TXK: variants seen among roughly 807,000 people sequenced by gnomAD.
The protein encoded by TXK is TXK tyrosine kinase.
TXK carries 60 observed loss-of-function variants against 81.0 expected under a neutral mutation model. The ratio of observed to expected loss-of-function variants is 0.74; its 90% CI spans 0.60 to 0.92. The LOEUF (loss-of-function observed/expected upper bound fraction) is 0.92, where lower values mean the gene tolerates loss of function less well. TXK is among the 40% of genes least tolerant of loss of function. The pLI, the probability that TXK is intolerant of heterozygous loss-of-function variation, is 0.00. For missense variants in TXK, 581 were observed against 638.3 expected (o/e 0.91, Z 0.97); for synonymous variants, 203 against 210.7 (o/e 0.96, Z 0.32).
intron 8 of TXK, among the ~76,000 whole-genome samples, chr4:48,091,588 C>G (rs181825284): frequency 6.6e-6 from 1 of 152,100 alleles, no homozygotes; most frequent in Non-Finnish European, 1.5e-5. Context: ...TCACTGCAAC[C>G]TCCGCCTCTC....
chr4:48,076,393 A>G lies in TXK; in HGVS notation c.1238+9T>C. ...AAACAAAATACATATATATATACAT[A>G]GCATGTACCTTGTCATTCCAAAGTC... On this transcript the variant is annotated intron_variant, in intron 12 of 14. Coordinates refer to ENST00000264316, the MANE Select transcript of TXK (RefSeq NM_003328.3). 1 of 1,584,978 alleles carries G rather than the reference A, an allele frequency of 6.3e-7. No individual in the cohort carries two copies. Among genetic ancestry groups the G allele is most frequent in the Non-Finnish European group, 8.6e-7 (1 of 1,157,060 alleles).
chr4:48,089,910 TTAAA>T (rs1202337097), intron 8 of TXK, 86 bp from the exon 9 acceptor site: 1 of 927,950 alleles, frequency 1.1e-6, no homozygotes, highest in Non-Finnish European at 1.6e-6. Flanking sequence ...GTACCATTCT[TTAAA>T]TAATTAGACA....
chr4:48,133,139 T>C (rs1168923809), intron 1 of TXK, among the ~76,000 whole-genome samples: 1 of 152,080 alleles, frequency 6.6e-6, no homozygotes, highest in East Asian at 1.9e-4. Context: ...CCATAGTAGG[T>C]GCTCAATAAA....
intron 8 of TXK, among the ~76,000 whole-genome samples, chr4:48,091,925 G>A (rs868259044): frequency 2.1e-4 from 32 of 152,186 alleles, no homozygotes; most frequent in African/African-American, 7.7e-4. Flanking sequence ...CAATGATCAG[G>A]GCAGCACTAG....
intron 6 of TXK, among the ~76,000 whole-genome samples, chr4:48,098,433 C>G (rs185829615): frequency 7.0e-4 from 106 of 152,012 alleles, no homozygotes; most frequent in African/African-American, 2.4e-3. Flanking sequence ...GTGTTTTTTT[C>G]TATTAAAACC....
chr4:48,132,946 A>C (rs1244096143), intron 1 of TXK, among the ~76,000 whole-genome samples: 1 of 146,658 alleles, frequency 6.8e-6, no homozygotes, highest in African/African-American at 2.5e-5. Context: ...ACTCTGTCTA[A>C]AAAAAAAAAA....
At chr4:48,106,121 C>T (rs549475006) in intron 5 of TXK, 31 of 152,280 alleles carry the variant, frequency 2.0e-4, no homozygotes, top group African/African-American at 7.2e-4. Flanking sequence ...GTCATCCTTG[C>T]ACAGGGAACA....
At chr4:48,091,465 T>C (rs998605214) in intron 8 of TXK, among the ~76,000 whole-genome samples, 3 of 151,930 alleles carry the variant, frequency 2.0e-5, no homozygotes, top group Admixed American at 2.0e-4. Context: ...TATTGAAAAG[T>C]CCCAAGTAGG....
chr4:48,127,992 C>T (rs895626024), intron 1 of TXK, among the ~76,000 whole-genome samples: 3 of 152,202 alleles, frequency 2.0e-5, no homozygotes, highest in Admixed American at 1.3e-4. Flanking sequence ...AGCACCCCTT[C>T]TCAGAATAGC....
In TXK at chr4:48,076,324, T is replaced by G. The variant is rs1314101608; in HGVS notation, c.1238+78A>C. On this transcript the variant is annotated intron_variant, in intron 12 of 14. Transcript: ENST00000264316. Reference sequence around the variant, plus strand: ...AACACAGCCTGCAGCATCTTCAGTTTATCAGTAAACAAATGTAAGATTCCC... The same window carrying G: ...AACACAGCCTGCAGCATCTTCAGTTGATCAGTAAACAAATGTAAGATTCCC... The G allele has an allele frequency of 2.7e-6, 3 of 1,102,594 alleles. No individual in the cohort carries two copies. In the African/African-American group the frequency reaches 4.8e-5, roughly 18 times the overall value. The allele number at this position is 1,102,594 out of a possible 1,614,324, so 68.3% of individuals were successfully genotyped here. A position where few individuals can be genotyped will look rare whatever the true frequency, so the allele number is the denominator to read the frequency against.
intron 9 of TXK, among the ~76,000 whole-genome samples, chr4:48,088,366 A>C (rs1717621346): frequency 6.6e-6 from 1 of 152,216 alleles, no homozygotes; most frequent in South Asian, 2.1e-4. Flanking sequence ...CAAAACACAC[A>C]CAAAAATGTT....
chr4:48,114,587 G>C, intron 1 of TXK, 185 bp from the exon 2 acceptor site: 1 of 614,268 alleles, frequency 1.6e-6, no homozygotes, highest in South Asian at 2.0e-5. Context: ...ACCTTGGCCA[G>C]TGTGGTTTCC....
rs1327762931 is a variant in TXK at position 48,067,801 on chromosome 4, C to T, written c.1516-96G>A. 1.7e-5 allele frequency: 20 copies of T among 1,196,550 alleles called. No homozygotes were observed. The East Asian group carries it at 4.0e-4, about 24-fold the overall frequency. The allele number at this position is 1,196,550 out of a possible 1,614,324, so 74.1% of individuals were successfully genotyped here. ...CTAAGCATGTGGGAGTCACTTATATCCCACTGCTCGAGGTCATCGCCAAGG... is the reference window on the plus strand; with the variant it reads ...CTAAGCATGTGGGAGTCACTTATATTCCACTGCTCGAGGTCATCGCCAAGG... On this transcript the variant is annotated intron_variant, in intron 14 of 14. Coordinates refer to ENST00000264316, the MANE Select transcript of TXK (RefSeq NM_003328.3).
intron 9 of TXK, among the ~76,000 whole-genome samples, chr4:48,088,247 C>G (rs1441030417): frequency 6.6e-6 from 1 of 152,168 alleles, no homozygotes; most frequent in Non-Finnish European, 1.5e-5. Context: ...CTTTAGAAAA[C>G]TGACTGTATC....
intron 9 of TXK, among the ~76,000 whole-genome samples, chr4:48,087,269 T>A (rs781101473): frequency 1.3e-5 from 2 of 152,166 alleles, no homozygotes; most frequent in East Asian, 3.8e-4. Context: ...TCTTGAAAAC[T>A]GTACCAAACT....
intron 13 of TXK, among the ~76,000 whole-genome samples, chr4:48,072,762 G>A (rs997720525): frequency 1.3e-5 from 2 of 152,110 alleles, no homozygotes; most frequent in African/African-American, 4.8e-5. Context: ...GGCAACCTTC[G>A]ATGAGGTCGT....
intron 9 of TXK, among the ~76,000 whole-genome samples, chr4:48,087,984 C>T (rs1419991800): frequency 1.3e-5 from 2 of 152,154 alleles, no homozygotes; most frequent in African/African-American, 2.4e-5. Context: ...GACATATACC[C>T]TAACTTTTTT....
At chr4:48,112,064 G>A (rs1718650389) in intron 4 of TXK, among the ~76,000 whole-genome samples, 1 of 152,198 alleles carries the variant, frequency 6.6e-6, no homozygotes, top group Admixed American at 6.5e-5. Context: ...CAAAAACTCA[G>A]AGACGGTAAG....
chr4:48,116,973 C>A (rs555686973), intron 1 of TXK, among the ~76,000 whole-genome samples: 1 of 152,294 alleles, frequency 6.6e-6, no homozygotes, highest in East Asian at 1.9e-4. Flanking sequence ...ACCTCCTCTA[C>A]CTCCCAGGTT....
Sources: gnomAD v4.1 joint callset for allele counts (sites outside exome capture counted in the v4.1 genomes callset) on GRCh38, gnomAD v4.1.1 for gene constraint, MANE v1.5 for transcripts, NCBI Gene and HGNC (gene_info 2026-07-23, HGNC 2026-07-21) for gene names.